Variants in EIPR1 observed in about 807,000 individuals in gnomAD.
EIPR1 encodes the protein EARP complex and GARP complex interacting protein 1, also known as EARP and GARP complex-interacting protein 1.
A neutral mutation model predicts 48.1 loss-of-function variants in EIPR1; 25 were observed. That is an observed-to-expected ratio of 0.52 (90% CI 0.38 to 0.73). EIPR1 has a LOEUF of 0.73. Among genes scored for constraint, EIPR1 ranks in the 30% least tolerant of loss-of-function variants. EIPR1 has a pLI of 0.00. For missense variants in EIPR1, 415 were observed against 506.2 expected (o/e 0.82, Z 1.73); for synonymous variants, 204 against 201.9 (o/e 1.01, Z -0.09).
chr2:3,255,528 A>T (rs1197040500), intron 4 of EIPR1, among the ~76,000 whole-genome samples: 1 of 152,242 alleles, frequency 6.6e-6, no homozygotes, highest in African/African-American at 2.4e-5. Context: ...ATGCAATTTA[A>T]CATTACAATC....
intron 7 of EIPR1, among the ~76,000 whole-genome samples, chr2:3,193,406 G>A (rs988986320): frequency 2.0e-5 from 3 of 152,272 alleles, no homozygotes; most frequent in African/African-American, 4.8e-5. Context: ...ACATACCTGT[G>A]TCACTCACAC....
At chr2:3,299,792 CTCTCTT>C (rs1668715754) in intron 3 of EIPR1, among the ~76,000 whole-genome samples, 10 of 152,132 alleles carry the variant, frequency 6.6e-5, no homozygotes, top group Admixed American at 5.9e-4. Flanking sequence ...GCTGCATTCC[CTCTCTT>C]GACAGTCTGT....
chr2:3,260,296 G>C (rs1235705862), intron 3 of EIPR1, among the ~76,000 whole-genome samples: 1 of 152,080 alleles, frequency 6.6e-6, no homozygotes, highest in Non-Finnish European at 1.5e-5. Context: ...TTTGAGAGCA[G>C]CCTGGCCAAC....
chr2:3,189,242 G>T lies in EIPR1; in HGVS notation c.*92C>A. On this transcript the variant is annotated 3_prime_UTR_variant, in exon 9 of 9. Transcript: ENST00000382125. This position sits in a 1 kb window ranked among gnomAD's most constrained non-coding sequence, Gnocchi z 4.6. ...GCTCTCCCAGAGAGGGATCCACCTG[G>T]AACACGAGTCACCTCCAAAGAGCTG... 1 of 1,328,514 alleles carries T rather than the reference G, an allele frequency of 7.5e-7. No individual in the cohort carries two copies. Among genetic ancestry groups the T allele is most frequent in the Non-Finnish European group, 1.0e-6 (1 of 1,000,680 alleles). The allele number at this position is 1,328,514 out of a possible 1,614,324, so 82.3% of individuals were successfully genotyped here.
chr2:3,246,899 A>AGGGAGGGAG (rs1666829508), intron 4 of EIPR1, among the ~76,000 whole-genome samples: 1 of 24,516 alleles, frequency 4.1e-5, no homozygotes, highest in African/African-American at 1.6e-4. Context: ...GAGGGAGGGA[A>AGGGAGGGAG]GGAGGGAGAG....
chr2:3,370,221 A>G (rs563401502), intron 1 of EIPR1, among the ~76,000 whole-genome samples: 1 of 152,186 alleles, frequency 6.6e-6, no homozygotes, highest in African/African-American at 2.4e-5. Flanking sequence ...AGGACATCCA[A>G]CCAAAAACCC....
At chr2:3,214,011 C>T in intron 5 of EIPR1, 138 bp downstream of exon 5, 2 of 640,886 alleles carry the variant, frequency 3.1e-6, no homozygotes, top group South Asian at 3.7e-5. Flanking sequence ...CCCCCAACCC[C>T]ACGACAGGCC....
At chr2:3,263,676 C>A (rs889808518) in intron 3 of EIPR1, among the ~76,000 whole-genome samples, 1 of 152,084 alleles carries the variant, frequency 6.6e-6, no homozygotes, top group Admixed American at 6.6e-5. Flanking sequence ...CGGCCAGCGC[C>A]CTCCCCAGGA....
intron 4 of EIPR1, 88 bp downstream of exon 4, chr2:3,257,211 G>A: frequency 7.0e-7 from 1 of 1,425,092 alleles, no homozygotes; most frequent in Non-Finnish European, 9.4e-7. Flanking sequence ...GGTGTGGACG[G>A]TGGCTCCTGC....
intron 2 of EIPR1, among the ~76,000 whole-genome samples, chr2:3,351,491 G>C: frequency 6.6e-6 from 1 of 152,116 alleles, no homozygotes; most frequent in South Asian, 2.1e-4. Context: ...GCTTTCTGAA[G>C]CTGCATTTGG....
chr2:3,226,601 A>G (rs1194225058), intron 4 of EIPR1, among the ~76,000 whole-genome samples: 1 of 152,064 alleles, frequency 6.6e-6, no homozygotes, highest in Non-Finnish European at 1.5e-5. Context: ...CTGTGCAGAA[A>G]CTTTTAAATC....
chr2:3,334,648 C>T (rs2103346155), intron 3 of EIPR1, among the ~76,000 whole-genome samples: 2 of 152,386 alleles, frequency 1.3e-5, no homozygotes, highest in South Asian at 4.1e-4. Flanking sequence ...AGCTGTGCTG[C>T]TCTTTCCTGA....
intron 4 of EIPR1, among the ~76,000 whole-genome samples, chr2:3,251,174 G>C (rs183778650): frequency 7.9e-5 from 12 of 152,250 alleles, no homozygotes; most frequent in African/African-American, 2.4e-4. Context: ...ATCCACAGAG[G>C]GAACTCATCT....
At chr2:3,230,830 G>T (rs1305917447) in intron 4 of EIPR1, among the ~76,000 whole-genome samples, 2 of 152,142 alleles carry the variant, frequency 1.3e-5, no homozygotes, top group Non-Finnish European at 2.9e-5. Context: ...CTTATTCAAG[G>T]TATTTTGGGG....
chr2:3,288,866 G>A (rs1171224828), intron 3 of EIPR1, among the ~76,000 whole-genome samples: 1 of 152,220 alleles, frequency 6.6e-6, no homozygotes, highest in African/African-American at 2.4e-5. Context: ...TGCATGGGAT[G>A]GGTAGGAGGG....
At position 3,319,177 on chromosome 2, in the gene EIPR1, A is replaced by G. The variant is rs183463730; in HGVS notation, c.259+18840T>C. On this transcript the variant is annotated intron_variant, in intron 3 of 8. Transcript: ENST00000382125. Reference sequence around the variant, plus strand: ...TCCTGCGTGACAAAAACCAGCAAGAAGAAAACATGTTTATACAACAAGGCG... The same window carrying G: ...TCCTGCGTGACAAAAACCAGCAAGAGGAAAACATGTTTATACAACAAGGCG... The G allele has an allele frequency of 5.6e-4, 190 of 341,342 alleles. 1 individual carries two copies. The East Asian group carries it at 0.014, about 25-fold the overall frequency. The allele number at this position is 341,342 out of a possible 1,614,324, so 21.1% of individuals were successfully genotyped here. A position where few individuals can be genotyped will look rare whatever the true frequency, so the allele number is the denominator to read the frequency against.
At chr2:3,303,741 C>T (rs899737202) in intron 3 of EIPR1, among the ~76,000 whole-genome samples, 2 of 152,192 alleles carry the variant, frequency 1.3e-5, no homozygotes, top group Non-Finnish European at 2.9e-5. Context: ...ACACAATAGA[C>T]GACACGTGAT....
chr2:3,308,818 C>T (rs556549323), intron 3 of EIPR1, among the ~76,000 whole-genome samples: 11 of 152,292 alleles, frequency 7.2e-5, no homozygotes, highest in African/African-American at 2.4e-4. Flanking sequence ...GAGACCAGAA[C>T]AAAGCAGAAC....
At chr2:3,237,221 TACACACACACACACACACACACACACAC>T (rs35498711) in intron 4 of EIPR1, among the ~76,000 whole-genome samples, 2 of 127,750 alleles carry the variant, frequency 1.6e-5, no homozygotes, top group Non-Finnish European at 3.2e-5. Flanking sequence ...TTTTGAAAAC[TACACACACACACACACACACACACACAC>T]ACACACACAC....
Sources: allele counts gnomAD v4.1 joint callset (sites outside exome capture counted in the v4.1 genomes callset), GRCh38; gene constraint gnomAD v4.1.1; non-coding constraint Gnocchi (gnomAD v3.1); transcripts MANE v1.5; gene names NCBI Gene and HGNC (gene_info 2026-07-23, HGNC 2026-07-21).